KYAT1: variants seen among roughly 807,000 people sequenced by gnomAD.
KYAT1 encodes the protein kynurenine--oxoglutarate transaminase 1.
In KYAT1, 47 loss-of-function variants were observed where a neutral mutation model predicts 52.4. The ratio of observed to expected loss-of-function variants is 0.90; its 90% CI spans 0.71 to 1.14. The LOEUF (loss-of-function observed/expected upper bound fraction) is 1.14. Among genes scored for constraint, KYAT1 ranks in the 50% most tolerant of loss-of-function variants. KYAT1 has a pLI of 0.00. For missense variants in KYAT1, 480 were observed against 557.9 expected, an observed-to-expected ratio of 0.86 and a Z score of 1.41; for synonymous variants, 212 against 209.6, an observed-to-expected ratio of 1.01 and a Z score of -0.10.
chr9:128,868,615 C>T (rs566561823), intron 1 of KYAT1, among the ~76,000 whole-genome samples: 1 of 152,192 alleles, frequency 6.6e-6, no homozygotes, highest in East Asian at 1.9e-4. Flanking sequence ...CGGCTCACTA[C>T]AGCCTTGTTC....
rs755829653 is a variant in KYAT1 at position 128,838,317 on chromosome 9, C to T, written c.252G>A (p.Leu84=). ...KILASFFGEL[L]GQEIDPLRNV... ...TCCTGAGCGGGTCTATCTCCTGACCCAGCAGCTCCCCAAAGAAACTTGCCA... is the reference window on the plus strand; with the variant it reads ...TCCTGAGCGGGTCTATCTCCTGACCTAGCAGCTCCCCAAAGAAACTTGCCA... Residue 84 remains leucine, a synonymous_variant, in exon 4 of 13, where the codon CTG becomes CTA. Transcript: ENST00000302586. 8 of 1,614,184 alleles carry T rather than the reference C, an allele frequency of 5.0e-6. No individual in the cohort carries two copies. In the Admixed American group the frequency reaches 1.0e-4, roughly 20 times the overall value.
Position 128,833,366 on chromosome 9 carries a change from C to T in KYAT1, c.*218G>A. ...CCACCTATGGAGGGGCAGGGAGAGG[C>T]CCAGGTCAGGCCACCCTCACCTTTC... On this transcript the variant is annotated 3_prime_UTR_variant, in exon 13 of 13. Transcript: ENST00000302586. 1 of 616,690 alleles carries T rather than the reference C, an allele frequency of 1.6e-6. No homozygotes were observed. 38.2% of individuals were successfully genotyped at this position (616,690 alleles called of 1,614,324 possible).
intron 1 of KYAT1, chr9:128,846,532 G>C (rs755832356): frequency 7.3e-6 from 4 of 550,178 alleles, no homozygotes; most frequent in Non-Finnish European, 1.3e-5. Context: ...CTGGGAGATG[G>C]AGATTGCAGT....
At chr9:128,878,195 C>T (rs1838301206) in intron 1 of KYAT1, among the ~76,000 whole-genome samples, 1 of 151,712 alleles carries the variant, frequency 6.6e-6, no homozygotes, top group Non-Finnish European at 1.5e-5. Flanking sequence ...AGTGCAGTGG[C>T]ACAATCTCGG....
intron 1 of KYAT1, among the ~76,000 whole-genome samples, chr9:128,848,668 A>G (rs1374674802): frequency 6.6e-6 from 1 of 151,662 alleles, no homozygotes; most frequent in Non-Finnish European, 1.5e-5. Context: ...AAATACAAAA[A>G]TTAGCCAGGC....
rs767142268 is a variant in KYAT1, at chr9:128,835,518, C to T, written c.1005G>A (p.Gln335=). ...TGTCTGTGATGAGGAAGTAGCTGCCCTGAGGGATGATGGGCTTCAGGCCCA... is the reference window on the plus strand; with the variant it reads ...TGTCTGTGATGAGGAAGTAGCTGCCTTGAGGGATGATGGGCTTCAGGCCCA... ...QSVGLKPIIP[Q]GSYFLITDIS... The change falls in exon 10 of 13, where the codon CAG becomes CAA. Residue 335 remains glutamine (Q), a synonymous_variant. Coordinates refer to ENST00000302586, the MANE Select transcript of KYAT1 (RefSeq NM_004059.5). The T allele has an allele frequency of 6.2e-7, 1 of 1,613,798 alleles. No individual in the cohort carries two copies. The highest frequency in any genetic ancestry group is 2.2e-5 in the East Asian group (1 of 44,884).
intron 1 of KYAT1, among the ~76,000 whole-genome samples, chr9:128,862,827 T>A (rs1446405013): frequency 1.3e-5 from 2 of 152,148 alleles, no homozygotes; most frequent in Non-Finnish European, 2.9e-5. Flanking sequence ...TTGGTTTGTT[T>A]GTTTTTTGAC....
chr9:128,843,308 G>A (rs961924413), intron 2 of KYAT1, among the ~76,000 whole-genome samples: 1 of 152,082 alleles, frequency 6.6e-6, no homozygotes, highest in African/African-American at 2.4e-5. Flanking sequence ...GGTCAGTCAG[G>A]CACATTGTTA....
At chr9:128,875,167 CTG>C (rs1372460326) in intron 1 of KYAT1, among the ~76,000 whole-genome samples, 2 of 151,480 alleles carry the variant, frequency 1.3e-5, no homozygotes, top group East Asian at 1.9e-4. Context: ...GTTTCCCAAA[CTG>C]TGAACAGCTG....
chr9:128,872,296 TAGCC>T (rs1307364966), intron 1 of KYAT1, among the ~76,000 whole-genome samples: 1 of 150,450 alleles, frequency 6.6e-6, no homozygotes, highest in Non-Finnish European at 1.5e-5. Flanking sequence ...TACAAAAAAT[TAGCC>T]AGGCGTGGTG....
intron 1 of KYAT1, among the ~76,000 whole-genome samples, chr9:128,853,387 A>G (rs1834194136): frequency 6.6e-6 from 1 of 152,216 alleles, no homozygotes; most frequent in Non-Finnish European, 1.5e-5. Context: ...CCAAAAGAAC[A>G]AGTCATTGAA....
At chr9:128,837,148 G>C (rs1444263143) in intron 6 of KYAT1, among the ~76,000 whole-genome samples, 5 of 152,186 alleles carry the variant, frequency 3.3e-5, no homozygotes, top group Non-Finnish European at 4.4e-5. Flanking sequence ...ACAAAAATTA[G>C]CTGGGCATGG....
chr9:128,880,929 C>T (rs1373709889), intron 1 of KYAT1, among the ~76,000 whole-genome samples: 1 of 152,164 alleles, frequency 6.6e-6, no homozygotes, highest in Non-Finnish European at 1.5e-5. Context: ...GTAAATTTCT[C>T]GCCCTGGCCC....
chr9:128,840,437 G>C (rs1831940706), intron 3 of KYAT1, among the ~76,000 whole-genome samples: 1 of 152,134 alleles, frequency 6.6e-6, no homozygotes, highest in South Asian at 2.1e-4. Context: ...TTTTATTAGA[G>C]ATGGGATCTC....
intron 1 of KYAT1, chr9:128,847,645 T>TAACAACAACAACAACAAC: frequency 1.7e-6 from 1 of 574,280 alleles, no homozygotes; most frequent in East Asian, 2.9e-5. Context: ...CACACAGCTC[T>TAACAACAACAACAACAAC]AACAATAACA....
At chr9:128,874,871 C>T (rs935340243) in intron 1 of KYAT1, among the ~76,000 whole-genome samples, 41 of 151,966 alleles carry the variant, frequency 2.7e-4, no homozygotes, top group Middle Eastern at 3.4e-3. Flanking sequence ...ATTACAGGCA[C>T]GCACCACCAT....
rs1836169710 is a variant in KYAT1, at chr9:128,865,344, TATA to T, written c.-7+16550_-7+16552del. 2.9e-4 allele frequency among the ~76,000 whole-genome samples: 2 copies of T among 7,002 alleles called. 1 individual carries two copies. Among genetic ancestry groups the T allele is most frequent in the African/African-American group, 1.1e-3 (2 of 1,820 alleles). The allele number at this position is 7,002 out of a possible 152,430, so 4.6% of individuals were successfully genotyped here. ...ATATATATATATATATATATATATA[TATA>T]TATATATATATATTTTTTTTTTTTT... On this transcript the variant is annotated intron_variant, in intron 1 of 12. Transcript: ENST00000302586.
chr9:128,838,433 C>T lies in KYAT1; in HGVS notation c.202-66G>A, dbSNP rs1831538646. 5 of 1,596,908 alleles carry T rather than the reference C, an allele frequency of 3.1e-6. No homozygotes were observed. In the East Asian group the frequency reaches 9.0e-5, roughly 29 times the overall value. ...GCCCATCCTCCGGCCCAGCTGTATCCAGGCAATTCTAGCACCTTCCAGCAG... is the reference window on the plus strand; with the variant it reads ...GCCCATCCTCCGGCCCAGCTGTATCTAGGCAATTCTAGCACCTTCCAGCAG... On this transcript the variant is annotated intron_variant, in intron 3 of 12. Transcript: ENST00000302586.
chr9:128,870,944 C>T (rs1404884198), intron 1 of KYAT1, among the ~76,000 whole-genome samples: 1 of 129,336 alleles, frequency 7.7e-6, no homozygotes, highest in Non-Finnish European at 1.6e-5. Context: ...AATTTCACCT[C>T]AATTACAAAA....
Sources: gnomAD v4.1 joint callset for allele counts (sites outside exome capture counted in the v4.1 genomes callset) on GRCh38, gnomAD v4.1.1 for gene constraint, MANE v1.5 for transcripts, NCBI Gene and HGNC (gene_info 2026-07-23, HGNC 2026-07-21) for gene names.